The following UNC13C variants were observed in gnomAD, a reference collection of about 807,000 sequenced individuals.
UNC13C encodes the protein protein unc-13 homolog C.
UNC13C carries 174 observed loss-of-function variants against 245.4 expected under a neutral mutation model. The ratio of observed to expected loss-of-function variants is 0.71; its 90% CI spans 0.63 to 0.80. The LOEUF (loss-of-function observed/expected upper bound fraction) is 0.80, where lower values mean the gene tolerates loss of function less well. Among genes scored for constraint, UNC13C ranks in the 30% least tolerant of loss-of-function variants. The pLI is 0.00. For synonymous variants in UNC13C, 992 were observed against 895.1 expected (o/e 1.11, Z -1.93); for missense variants, 2,829 against 2,602.9 (o/e 1.09, Z -1.89).
chr15:54,069,309 G>T (rs571997732), intron 2 of UNC13C, among the ~76,000 whole-genome samples: 1 of 152,296 alleles, frequency 6.6e-6, no homozygotes, highest in African/African-American at 2.4e-5. Flanking sequence ...TATGATACCA[G>T]TCTATGACAT....
intron 20 of UNC13C, among the ~76,000 whole-genome samples, chr15:54,499,511 A>C (rs1894102177): frequency 6.6e-6 from 1 of 152,180 alleles, no homozygotes; most frequent in Non-Finnish European, 1.5e-5. Flanking sequence ...TCAAAGATGC[A>C]AATTCAATGC....
At chr15:54,598,903 ATTTGT>A (rs1013700128) in intron 30 of UNC13C, among the ~76,000 whole-genome samples, 5 of 152,240 alleles carry the variant, frequency 3.3e-5, no homozygotes, top group East Asian at 1.9e-4. Flanking sequence ...CAGTAGGAGT[ATTTGT>A]TTTGTTTATT....
intron 30 of UNC13C, among the ~76,000 whole-genome samples, chr15:54,602,608 AT>A (rs1899499790): frequency 6.6e-6 from 1 of 152,200 alleles, no homozygotes; most frequent in African/African-American, 2.4e-5. Flanking sequence ...ATGTTTAAGT[AT>A]TTTAACCTTT....
At chr15:54,223,453 G>A (rs766142963) in intron 4 of UNC13C, among the ~76,000 whole-genome samples, 5 of 152,026 alleles carry the variant, frequency 3.3e-5, no homozygotes, top group Non-Finnish European at 7.4e-5. Flanking sequence ...TGGTCTGTGT[G>A]TCTGTTTTTA....
At chr15:54,318,261 A>G (rs549849455) in intron 13 of UNC13C, among the ~76,000 whole-genome samples, 1 of 152,024 alleles carries the variant, frequency 6.6e-6, no homozygotes, top group African/African-American at 2.4e-5. Context: ...ATGATGAATC[A>G]TATGATTGTC....
At chr15:54,522,814 C>G (rs909369138) in intron 24 of UNC13C, among the ~76,000 whole-genome samples, 8 of 152,132 alleles carry the variant, frequency 5.3e-5, no homozygotes, top group African/African-American at 1.9e-4. Flanking sequence ...AGCCAGCCAA[C>G]CAATTAAGTT....
At chr15:54,321,051 C>T in intron 13 of UNC13C, 1 of 470,812 alleles carries the variant, frequency 2.1e-6, no homozygotes, top group South Asian at 1.6e-5. Flanking sequence ...TTGTTATTCC[C>T]CCGAAACCGC....
the UNC13C span, among the ~76,000 whole-genome samples, chr15:53,920,044 C>T: frequency 6.6e-6 from 1 of 151,396 alleles, no homozygotes. Flanking sequence ...GGTCTTTTGT[C>T]CTTGTTAGCC....
At chr15:53,857,531 T>C in the UNC13C span, among the ~76,000 whole-genome samples, 149 of 152,264 alleles carry the variant, frequency 9.8e-4, no homozygotes, top group African/African-American at 3.4e-3. Flanking sequence ...AAGAAAGACA[T>C]TACATTTGTC....
chr15:54,153,429 T>C (rs2032611459), intron 4 of UNC13C, among the ~76,000 whole-genome samples: 1 of 152,058 alleles, frequency 6.6e-6, no homozygotes, highest in African/African-American at 2.4e-5. Context: ...GAGGTAGGTA[T>C]GATAATTATT....
At chr15:54,269,570 TAATG>T (rs1221497713) in intron 10 of UNC13C, among the ~76,000 whole-genome samples, 1 of 152,134 alleles carries the variant, frequency 6.6e-6, no homozygotes, top group Non-Finnish European at 1.5e-5. Context: ...TGCAGCCAAA[TAATG>T]ATGCATGTGA....
At chr15:54,434,964 C>A (rs1405348541) in intron 19 of UNC13C, among the ~76,000 whole-genome samples, 2 of 151,934 alleles carry the variant, frequency 1.3e-5, no homozygotes, top group African/African-American at 4.8e-5. Context: ...ATGCAGCCAA[C>A]AAACACATGA....
intron 30 of UNC13C, among the ~76,000 whole-genome samples, chr15:54,619,651 T>C (rs1402492892): frequency 6.6e-6 from 1 of 152,174 alleles, no homozygotes; most frequent in Non-Finnish European, 1.5e-5. Context: ...ACATTTAATA[T>C]ACCATGGTAA....
intron 19 of UNC13C, among the ~76,000 whole-genome samples, chr15:54,421,171 A>G (rs1265155602): frequency 2.0e-5 from 3 of 152,060 alleles, no homozygotes; most frequent in East Asian, 1.9e-4. Context: ...TTATATTGCA[A>G]TTGAATGGAA....
chr15:53,964,253 G>C, the UNC13C span, among the ~76,000 whole-genome samples: 1 of 152,144 alleles, frequency 6.6e-6, no homozygotes, highest in Non-Finnish European at 1.5e-5. Context: ...GCTTGACTAA[G>C]TGGGTTTGAA....
chr15:53,927,984 G>C, the UNC13C span, among the ~76,000 whole-genome samples: 1 of 152,178 alleles, frequency 6.6e-6, no homozygotes, highest in Non-Finnish European at 1.5e-5. Context: ...CTCAAAGTTT[G>C]ACAACTTCAG....
intron 2 of UNC13C, among the ~76,000 whole-genome samples, chr15:54,093,623 T>C (rs1198882915): frequency 6.6e-6 from 1 of 152,252 alleles, no homozygotes; most frequent in African/African-American, 2.4e-5. Context: ...TGGTCTTGAC[T>C]TAGCATGATC....
chr15:54,289,845 C>T (rs2140930296), intron 10 of UNC13C, among the ~76,000 whole-genome samples: 1 of 152,136 alleles, frequency 6.6e-6, no homozygotes, highest in Admixed American at 6.6e-5. Context: ...GCACTGTACA[C>T]TGTACCACTT....
At chr15:54,538,846 A>G (rs1338048564) in intron 26 of UNC13C, among the ~76,000 whole-genome samples, 10 of 151,988 alleles carry the variant, frequency 6.6e-5, no homozygotes, top group Non-Finnish European at 2.9e-5. Context: ...AGCCTACTTA[A>G]GAGTGGAGGG....
Sources: allele counts gnomAD v4.1 joint callset (sites outside exome capture counted in the v4.1 genomes callset), GRCh38; gene constraint gnomAD v4.1.1; transcripts MANE v1.5; gene names NCBI Gene and HGNC (gene_info 2026-07-23, HGNC 2026-07-21).